Variants in SNTG1 observed in about 807,000 individuals in gnomAD.
SNTG1 encodes gamma-1-syntrophin.
A neutral mutation model predicts 74.7 loss-of-function variants in SNTG1; 39 were observed. The observed-to-expected ratio is 0.52, with a 90% CI of 0.40 to 0.68. The LOEUF is 0.68. Among genes scored for constraint, SNTG1 ranks in the 30% least tolerant of loss-of-function variants. SNTG1 has a pLI of 0.00. For synonymous variants in SNTG1, 254 were observed against 217.1 expected (o/e 1.17, Z -1.49); for missense variants, 685 against 609.5 (o/e 1.12, Z -1.30).
chr8:50,373,337 CTG>C (rs1018478036), intron 2 of SNTG1, among the ~76,000 whole-genome samples: 3 of 152,154 alleles, frequency 2.0e-5, no homozygotes, highest in African/African-American at 7.2e-5. Context: ...TGGTAGGTCA[CTG>C]TTTAAATTGT....
chr8:50,071,341 G>C (rs772449342), intron 1 of SNTG1, among the ~76,000 whole-genome samples: 23 of 151,946 alleles, frequency 1.5e-4, no homozygotes, highest in Non-Finnish European at 3.1e-4. Flanking sequence ...CTAAGACTAA[G>C]TCTTTTTAAT....
At chr8:50,037,336 G>A (rs1008235519) in intron 1 of SNTG1, among the ~76,000 whole-genome samples, 3 of 152,136 alleles carry the variant, frequency 2.0e-5, no homozygotes, top group Non-Finnish European at 1.5e-5. Context: ...GGTGATTCAG[G>A]TCCAGCAGGT....
At chr8:50,018,099 T>C (rs1816499560) in intron 1 of SNTG1, among the ~76,000 whole-genome samples, 1 of 152,022 alleles carries the variant, frequency 6.6e-6, no homozygotes, top group South Asian at 2.1e-4. Context: ...TACCTTGCAT[T>C]AATCTACAGA....
chr8:50,695,533 C>T (rs149741897), intron 15 of SNTG1, among the ~76,000 whole-genome samples: 3 of 151,598 alleles, frequency 2.0e-5, no homozygotes, highest in African/African-American at 7.2e-5. Flanking sequence ...GTGTATATTT[C>T]TTACATGCAT....
At chr8:49,967,521 T>A (rs1293799921) in intron 1 of SNTG1, among the ~76,000 whole-genome samples, 1 of 152,168 alleles carries the variant, frequency 6.6e-6, no homozygotes, top group Non-Finnish European at 1.5e-5. Context: ...TTTCATTGAT[T>A]TTTGTTCTCA....
chr8:50,188,425 G>A (rs1049974146), intron 2 of SNTG1, among the ~76,000 whole-genome samples: 2 of 152,104 alleles, frequency 1.3e-5, no homozygotes, highest in Non-Finnish European at 1.5e-5. Flanking sequence ...TAGGTGTGGG[G>A]CTGCAGTATT....
chr8:50,208,047 T>C (rs112805424), intron 2 of SNTG1, among the ~76,000 whole-genome samples: 383 of 152,282 alleles, frequency 2.5e-3, no homozygotes, highest in Non-Finnish European at 3.6e-3. Flanking sequence ...ATTCTATTGG[T>C]TTGGGGTGGA....
intron 2 of SNTG1, among the ~76,000 whole-genome samples, chr8:50,311,554 A>C (rs563750019): frequency 1.3e-5 from 2 of 152,218 alleles, no homozygotes; most frequent in Non-Finnish European, 2.9e-5. Context: ...TATTCTTAAA[A>C]TATGTATTTT....
intron 12 of SNTG1, among the ~76,000 whole-genome samples, chr8:50,558,262 G>A (rs1375243914): frequency 6.6e-6 from 1 of 152,204 alleles, no homozygotes; most frequent in African/African-American, 2.4e-5. Context: ...GGCCAGGGGG[G>A]CCTTGGAGTC....
rs533099441 is a variant in SNTG1 at position 50,236,649 on chromosome 8, A to G, written c.-28+64014A>G. 3.3e-5 allele frequency among the ~76,000 whole-genome samples: 5 copies of G among 152,048 alleles called. No homozygotes were observed. The South Asian group carries it at 1.0e-3, about 32-fold the overall frequency. ...GTGTTTTTAGTAGAGACGGGGTTTC[A>G]CCGTGTTAGCCAGGATGGTCTCGAT... On this transcript the variant is annotated intron_variant, in intron 2 of 18. Transcript: ENST00000642720.
intron 2 of SNTG1, among the ~76,000 whole-genome samples, chr8:50,348,406 AGG>A (rs2091547420): frequency 6.6e-6 from 1 of 152,126 alleles, no homozygotes; most frequent in Non-Finnish European, 1.5e-5. Flanking sequence ...CTGGAGTTGG[AGG>A]GAAATGACTA....
At chr8:50,087,134 T>C (rs1246261917) in intron 1 of SNTG1, among the ~76,000 whole-genome samples, 2 of 152,194 alleles carry the variant, frequency 1.3e-5, no homozygotes, top group Non-Finnish European at 2.9e-5. Context: ...ATCATGTCTA[T>C]TTTTTAACAG....
chr8:50,287,986 CCT>C (rs2088880702), intron 2 of SNTG1, among the ~76,000 whole-genome samples: 1 of 152,132 alleles, frequency 6.6e-6, no homozygotes, highest in African/African-American at 2.4e-5. Flanking sequence ...TTCTGCTATT[CCT>C]CTGTTTCTCC....
intron 2 of SNTG1, among the ~76,000 whole-genome samples, chr8:50,378,528 GA>G (rs1334988324): frequency 6.6e-6 from 1 of 152,156 alleles, no homozygotes; most frequent in African/African-American, 2.4e-5. Flanking sequence ...GAGGTGTGCA[GA>G]CAAGTGGAGG....
At chr8:50,111,637 A>G (rs985793181) in intron 1 of SNTG1, among the ~76,000 whole-genome samples, 37 of 152,216 alleles carry the variant, frequency 2.4e-4, no homozygotes, top group African/African-American at 8.2e-4. Flanking sequence ...AGAGCAATAT[A>G]CCCCTCCATT....
intron 1 of SNTG1, among the ~76,000 whole-genome samples, chr8:50,034,411 A>C (rs1305681782): frequency 2.6e-5 from 4 of 152,244 alleles, no homozygotes; most frequent in Non-Finnish European, 5.9e-5. Flanking sequence ...TAGAAATGCT[A>C]ATTGTTTTCA....
intron 12 of SNTG1, among the ~76,000 whole-genome samples, chr8:50,558,431 G>A (rs1392832089): frequency 6.6e-6 from 1 of 152,182 alleles, no homozygotes; most frequent in Non-Finnish European, 1.5e-5. Flanking sequence ...AGTCCATGCT[G>A]GGAGATAAAG....
Position 50,181,146 on chromosome 8 carries a change from G to A in SNTG1, c.-28+8511G>A, listed in dbSNP as rs549444440. Among the ~76,000 whole-genome samples, 9 of 152,260 alleles carry A rather than the reference G, an allele frequency of 5.9e-5. No individual in the cohort carries two copies. In the South Asian group the frequency reaches 1.9e-3, roughly 32 times the overall value. ...CTAGTCACTTCACACAGCCCTGTCT[G>A]AACTGTGCTCTCCAGGCCAGCATTG... On this transcript the variant is annotated intron_variant, in intron 2 of 18. Coordinates refer to ENST00000642720, the MANE Select transcript of SNTG1 (RefSeq NM_018967.5).
At chr8:50,404,536 C>T (rs537224900) in intron 4 of SNTG1, among the ~76,000 whole-genome samples, 1 of 151,934 alleles carries the variant, frequency 6.6e-6, no homozygotes, top group African/African-American at 2.4e-5. Context: ...ATAATAAATA[C>T]AATGTAATGC....
Sources: allele counts gnomAD v4.1 joint callset (sites outside exome capture counted in the v4.1 genomes callset), GRCh38; gene constraint gnomAD v4.1.1; transcripts MANE v1.5; gene names NCBI Gene and HGNC (gene_info 2026-07-23, HGNC 2026-07-21).